NAA16: variants seen among roughly 807,000 people sequenced by gnomAD.
The protein encoded by NAA16 is NARG1-like protein.
In NAA16, 97 loss-of-function variants were observed where a neutral mutation model predicts 110.3. That is an observed-to-expected ratio of 0.88 (90% CI 0.75 to 1.04). The LOEUF (loss-of-function observed/expected upper bound fraction) is 1.04. NAA16 is among the 50% of genes least tolerant of loss of function. NAA16 has a pLI of 0.00. For synonymous variants in NAA16, 372 were observed against 330.6 expected, an observed-to-expected ratio of 1.13 and a Z score of -1.36; for missense variants, 1,017 against 1,005.1, an observed-to-expected ratio of 1.01 and a Z score of -0.16.
At chr13:41,357,393 A>G (rs1424872200) in intron 10 of NAA16, among the ~76,000 whole-genome samples, 1 of 152,038 alleles carries the variant, frequency 6.6e-6, no homozygotes, top group African/African-American at 2.4e-5. Context: ...TGCATTCGTT[A>G]GCTGGAATTT....
At chr13:41,315,427 T>C (rs566341582) in intron 1 of NAA16, among the ~76,000 whole-genome samples, 1 of 152,246 alleles carries the variant, frequency 6.6e-6, no homozygotes, top group African/African-American at 2.4e-5. Context: ...GCTGGTGGCA[T>C]TCGGAAATAA....
intron 8 of NAA16, among the ~76,000 whole-genome samples, chr13:41,335,859 G>GT (rs66771949): frequency 2.7e-5 from 4 of 146,572 alleles, no homozygotes; most frequent in South Asian, 2.1e-4. Flanking sequence ...ACATACATGT[G>GT]TTTTTTTTTT....
intron 15 of NAA16, 134 bp from the exon 16 acceptor site, chr13:41,372,069 A>C: frequency 1.3e-6 from 1 of 742,628 alleles, no homozygotes; most frequent in Non-Finnish European, 1.9e-6. Flanking sequence ...ATGATTTTTA[A>C]ATGTTTTCTT....
chr13:41,362,309 G>A (rs2043128885), intron 13 of NAA16, 150 bp downstream of exon 13: 1 of 705,960 alleles, frequency 1.4e-6, no homozygotes, highest in Non-Finnish European at 2.2e-6. Context: ...TTCAGAAGTT[G>A]TAAACAATGG....
intron 1 of NAA16, 115 bp from the exon 2 acceptor site, chr13:41,316,731 C>T (rs2041820670): frequency 1.5e-6 from 1 of 659,872 alleles, no homozygotes. Flanking sequence ...GATATCCTTT[C>T]TATCACATTT....
chr13:41,346,518 G>C (rs1434166188), intron 9 of NAA16, among the ~76,000 whole-genome samples: 2 of 152,192 alleles, frequency 1.3e-5, no homozygotes, highest in Non-Finnish European at 2.9e-5. Flanking sequence ...GTGGTTAGGA[G>C]GGAGGGGAAG....
rs1270755003 is a variant in NAA16, at chr13:41,320,686, CT to C, written c.266del (p.Leu89CysfsTer12). 1 of 1,610,764 alleles carries C rather than the reference CT, an allele frequency of 6.2e-7. No homozygotes were observed. The highest frequency in any genetic ancestry group is 8.5e-7 in the Non-Finnish European group (1 of 1,179,212). On this transcript the variant is annotated frameshift_variant, in exon 4 of 20. Coordinates refer to ENST00000379406, the MANE Select transcript of NAA16 (RefSeq NM_024561.5). LOFTEE classifies it high-confidence loss of function. ...SHVCWHVYGL[L>X]QRSDKKYDEA... ...TAATAGGTTGGCATGTATATGGACT[CT>C]TGCAGCGTTCTGATAAAAAATATGA... is the stretch of plus-strand genomic sequence containing the variant.
chr13:41,319,395 ATATAAG>A (rs1305205495), intron 3 of NAA16, among the ~76,000 whole-genome samples: 1 of 152,368 alleles, frequency 6.6e-6, no homozygotes, highest in East Asian at 1.9e-4. Context: ...TTTACTTAAT[ATATAAG>A]TATGATATTG....
chr13:41,353,616 A>G (rs2042900088), intron 9 of NAA16, among the ~76,000 whole-genome samples: 1 of 108,904 alleles, frequency 9.2e-6, no homozygotes, highest in Non-Finnish European at 2.0e-5. Context: ...AAAAAAAAAA[A>G]ATTATCAGGG....
Position 41,367,626 on chromosome 13 carries a change from A to G in NAA16, c.1727A>G (p.Glu576Gly), listed in dbSNP as rs774146527. Residue 576 changes from glutamate (E) to glycine (G), a missense_variant, in exon 14 of 20, where the codon GAA becomes GGA. Glu to Gly is a moderately conservative substitution (Grantham distance 98, BLOSUM62 -2). Coordinates refer to ENST00000379406, the MANE Select transcript of NAA16 (RefSeq NM_024561.5). ...LKLYDNPLTN[E>G]SKQQEINSEN... ...TTGTATGATAATCCCTTAACCAATG[A>G]AAGCAAACAACAAGAAATAAACTCA... 10 of 1,608,980 alleles carry G rather than the reference A, an allele frequency of 6.2e-6. No individual in the cohort carries two copies. In the Admixed American group the frequency reaches 1.5e-4, roughly 24 times the overall value.
At chr13:41,338,778 A>C (rs1465025428) in intron 9 of NAA16, among the ~76,000 whole-genome samples, 1 of 151,860 alleles carries the variant, frequency 6.6e-6, no homozygotes, top group East Asian at 1.9e-4. Context: ...AAATTATTTC[A>C]ATAGATTTTG....
chr13:41,347,140 C>T (rs993379950), intron 9 of NAA16, among the ~76,000 whole-genome samples: 7 of 148,964 alleles, frequency 4.7e-5, no homozygotes, highest in African/African-American at 1.7e-4. Context: ...CACTTGAACC[C>T]AGGAGGCGGA....
At chr13:41,359,310 G>T (rs950121494) in intron 12 of NAA16, among the ~76,000 whole-genome samples, 17 of 152,092 alleles carry the variant, frequency 1.1e-4, no homozygotes, top group African/African-American at 3.9e-4. Context: ...TTTTAATTCT[G>T]TCTTACTTTT....
intron 9 of NAA16, among the ~76,000 whole-genome samples, chr13:41,342,202 C>A (rs1376682024): frequency 2.0e-5 from 3 of 149,616 alleles, no homozygotes; most frequent in Non-Finnish European, 4.5e-5. Flanking sequence ...CAGTGGCACG[C>A]TCTCGGCTCA....
At chr13:41,358,197 T>A in intron 10 of NAA16, 107 bp from the exon 11 acceptor site, 1 of 983,568 alleles carries the variant, frequency 1.0e-6, no homozygotes. Flanking sequence ...TGAGTCTTTC[T>A]TGCTTATTAT....
intron 9 of NAA16, among the ~76,000 whole-genome samples, chr13:41,354,885 C>CCT (rs2042940050): frequency 2.1e-5 from 1 of 48,216 alleles, no homozygotes; most frequent in Non-Finnish European, 3.6e-5. Context: ...AGGAGTGGTC[C>CCT]ATTTTTTTTT....
chr13:41,311,444 G>T lies in NAA16; in HGVS notation c.-85G>T. ...GCCCGCAGCCCGACTCTCAGCAGCG[G>T]TTCGTCCCGGTGCCCACCCCCGCGA... On this transcript the variant is annotated 5_prime_UTR_variant, in exon 1 of 20. Transcript: ENST00000379406. The T allele has an allele frequency of 7.5e-7, 1 of 1,332,286 alleles. No homozygotes were observed. Among genetic ancestry groups the T allele is most frequent in the Non-Finnish European group, 1.0e-6 (1 of 952,400 alleles). 82.5% of individuals were successfully genotyped at this position (1,332,286 alleles called of 1,614,324 possible). A position where few individuals can be genotyped will look rare whatever the true frequency, so the allele number is the denominator to read the frequency against.
chr13:41,360,684 A>C (rs565237292), intron 12 of NAA16, among the ~76,000 whole-genome samples: 1 of 152,214 alleles, frequency 6.6e-6, no homozygotes, highest in Non-Finnish European at 1.5e-5. Context: ...GGTGAACAAC[A>C]TAATGAGGCA....
intron 13 of NAA16, chr13:41,362,631 T>C: frequency 9.3e-7 from 1 of 1,071,168 alleles, no homozygotes; most frequent in Non-Finnish European, 1.3e-6. Flanking sequence ...CTTATTTTAT[T>C]GCTTGCTTTT....
Sources: allele counts gnomAD v4.1 joint callset (sites outside exome capture counted in the v4.1 genomes callset), GRCh38; gene constraint gnomAD v4.1.1; transcripts MANE v1.5; gene names NCBI Gene and HGNC (gene_info 2026-07-23, HGNC 2026-07-21).